The following TMEM87B variants were observed in gnomAD, a reference collection of about 807,000 sequenced individuals.
TMEM87B encodes transmembrane protein 87B.
A neutral mutation model predicts 80.3 loss-of-function variants in TMEM87B; 83 were observed. That is an observed-to-expected ratio of 1.03 (90% CI 0.87 to 1.24). The LOEUF (loss-of-function observed/expected upper bound fraction) is 1.24, where lower values mean the gene tolerates loss of function less well. TMEM87B is among the 50% of genes most tolerant of loss of function. TMEM87B has a pLI of 0.00. For missense variants in TMEM87B, 625 were observed against 674.4 expected (o/e 0.93, Z 0.81); for synonymous variants, 219 against 230.5 (o/e 0.95, Z 0.45).
intron 15 of TMEM87B, among the ~76,000 whole-genome samples, chr2:112,103,386 A>T (rs1307081328): frequency 6.6e-6 from 1 of 152,222 alleles, no homozygotes; most frequent in East Asian, 1.9e-4. Context: ...AAATAGATTC[A>T]GTGCAATCCC....
At chr2:112,077,515 A>G (rs1678861852) in intron 6 of TMEM87B, among the ~76,000 whole-genome samples, 1 of 152,220 alleles carries the variant, frequency 6.6e-6, no homozygotes, top group Non-Finnish European at 1.5e-5. Flanking sequence ...TAAAATTTCA[A>G]ACTTCATAGT....
chr2:112,116,129 G>C lies in TMEM87B; in HGVS notation c.1654G>C (p.Glu552Gln). 2 of 1,612,674 alleles carry C rather than the reference G, an allele frequency of 1.2e-6. No homozygotes were observed. The highest frequency in any genetic ancestry group is 1.7e-6 in the Non-Finnish European group (2 of 1,179,478). The change falls in exon 19 of 19, where the codon GAA becomes CAA. Residue 552 changes from glutamate (E) to glutamine (Q), a missense_variant. Glu to Gln is a conservative substitution (Grantham distance 29). Transcript: ENST00000283206. ...SEMAEKMFSS[E>Q]KIM ...AATGGCTGAAAAAATGTTCTCTTCA[G>C]AAAAGATAATGTGATTGGAACCCGT...
chr2:112,085,231 A>C (rs72829648), intron 8 of TMEM87B, among the ~76,000 whole-genome samples: 13,828 of 152,228 alleles, frequency 0.091, 676 homozygotes, highest in South Asian at 0.19. Flanking sequence ...TCTTTTCTTG[A>C]CATCTACCAT....
chr2:112,096,297 C>T (rs149958678), intron 11 of TMEM87B, among the ~76,000 whole-genome samples: 6 of 152,312 alleles, frequency 3.9e-5, no homozygotes, highest in African/African-American at 1.2e-4. Context: ...ACAGCCCTCC[C>T]GAGAATCTGC....
At chr2:112,106,736 A>T (rs1346399554) in intron 16 of TMEM87B, among the ~76,000 whole-genome samples, 1 of 152,240 alleles carries the variant, frequency 6.6e-6, no homozygotes, top group African/African-American at 2.4e-5. Flanking sequence ...TTATAACTAT[A>T]TGTGCTGTGA....
At chr2:112,068,561 G>A (rs1478115941) in intron 4 of TMEM87B, among the ~76,000 whole-genome samples, 1 of 151,764 alleles carries the variant, frequency 6.6e-6, no homozygotes, top group Non-Finnish European at 1.5e-5. Context: ...AAAATTAGCC[G>A]AGCGTGGTGG....
intron 8 of TMEM87B, among the ~76,000 whole-genome samples, chr2:112,085,044 T>C (rs1341821445): frequency 1.3e-5 from 2 of 152,266 alleles, no homozygotes; most frequent in African/African-American, 4.8e-5. Flanking sequence ...CATAAAACTT[T>C]ATGTTCAAAA....
intron 13 of TMEM87B, among the ~76,000 whole-genome samples, chr2:112,097,807 CA>C (rs987626919): frequency 1.3e-5 from 2 of 149,052 alleles, no homozygotes; most frequent in African/African-American, 4.9e-5. Context: ...GCCCTTTTGT[CA>C]AGTTTTTTTT....
chr2:112,071,657 G>T (rs1206640428), intron 4 of TMEM87B, among the ~76,000 whole-genome samples: 1 of 152,118 alleles, frequency 6.6e-6, no homozygotes, highest in Non-Finnish European at 1.5e-5. Flanking sequence ...TGCTGAAGTT[G>T]CTTATCAGCT....
At chr2:112,111,408 T>C (rs1263181013) in intron 17 of TMEM87B, among the ~76,000 whole-genome samples, 2 of 152,238 alleles carry the variant, frequency 1.3e-5, no homozygotes, top group Admixed American at 1.3e-4. Context: ...CTACTATTTT[T>C]TTCTGTAGAT....
chr2:112,084,620 CTT>C (rs1403905602), intron 8 of TMEM87B, among the ~76,000 whole-genome samples: 1 of 152,082 alleles, frequency 6.6e-6, no homozygotes, highest in Admixed American at 6.6e-5. Flanking sequence ...GACAAGGTCT[CTT>C]GTGAGTTCTT....
chr2:112,059,888 C>T, intron 1 of TMEM87B, 89 bp from the exon 2 acceptor site: 1 of 1,452,684 alleles, frequency 6.9e-7, no homozygotes, highest in Middle Eastern at 1.9e-4. Flanking sequence ...GAGAGGAGTG[C>T]AAGGCTTAGA....
intron 14 of TMEM87B, among the ~76,000 whole-genome samples, chr2:112,099,558 A>ATATATATATATATATATATG (rs1558847662): frequency 2.2e-5 from 1 of 44,900 alleles, no homozygotes; most frequent in African/African-American, 1.4e-4. Context: ...ATATATATAC[A>ATATATATATATATATATATG]CACACACACG....
chr2:112,097,253 T>C lies in TMEM87B; in HGVS notation c.1234T>C (p.Trp412Arg), dbSNP rs756171357. The stretch of plus-strand genomic sequence containing the variant: ...TTCAGCTTCTATAGTGTTTATGGGG[T>C]GGACAACTAAGACATTTAGAATTGC... ...AVLASIVFMG[W>R]TTKTFRIAKC... Residue 412 changes from tryptophan (W) to arginine (R), a missense_variant, in exon 13 of 19, where the codon TGG (tryptophan) becomes CGG (arginine). Coordinates refer to ENST00000283206, the MANE Select transcript of TMEM87B (RefSeq NM_032824.3). 9.3e-6 allele frequency: 15 copies of C among 1,609,436 alleles called. No individual in the cohort carries two copies. The highest frequency in any genetic ancestry group is 1.2e-5 in the Non-Finnish European group (14 of 1,178,874).
At chr2:112,072,942 C>T (rs1472513760) in intron 4 of TMEM87B, among the ~76,000 whole-genome samples, 1 of 146,768 alleles carries the variant, frequency 6.8e-6, no homozygotes, top group Non-Finnish European at 1.5e-5. Flanking sequence ...TTCTGTTGCC[C>T]AGGCTGGAGG....
At chr2:112,072,742 G>A (rs1678689966) in intron 4 of TMEM87B, among the ~76,000 whole-genome samples, 1 of 151,606 alleles carries the variant, frequency 6.6e-6, no homozygotes, top group African/African-American at 2.4e-5. Context: ...TCTTTTGAAT[G>A]GTTTTTCATG....
intron 10 of TMEM87B, among the ~76,000 whole-genome samples, chr2:112,091,188 T>C (rs914428509): frequency 6.6e-6 from 1 of 150,674 alleles, no homozygotes; most frequent in Non-Finnish European, 1.5e-5. Context: ...TGCAGTGAGC[T>C]GAGATTGCGC....
Position 112,055,504 on chromosome 2 carries a change from G to T in TMEM87B, c.-88G>T. 7.3e-7 allele frequency: 1 copy of T among 1,370,462 alleles called. No homozygotes were observed. The highest frequency in any genetic ancestry group is 1.5e-5 in the African/African-American group (1 of 65,546). 84.9% of individuals were successfully genotyped at this position (1,370,462 alleles called of 1,614,324 possible). Reference sequence around the variant, plus strand: ...ACCCGAGTCCGAGCCCCGCGTCCCGGATTCGGACCCGCCTGCCTGGGGCGG... The same window carrying T: ...ACCCGAGTCCGAGCCCCGCGTCCCGTATTCGGACCCGCCTGCCTGGGGCGG... On this transcript the variant is annotated 5_prime_UTR_variant, in exon 1 of 19. Transcript: ENST00000283206.
intron 13 of TMEM87B, 73 bp from the exon 14 acceptor site, chr2:112,098,522 A>T: frequency 7.3e-7 from 1 of 1,363,084 alleles, no homozygotes; most frequent in Non-Finnish European, 1.0e-6. Context: ...TTGTCATTGT[A>T]CATTATTTGA....
Sources: gnomAD v4.1 joint callset for allele counts (sites outside exome capture counted in the v4.1 genomes callset) on GRCh38, gnomAD v4.1.1 for gene constraint, MANE v1.5 for transcripts, NCBI Gene and HGNC (gene_info 2026-07-23, HGNC 2026-07-21) for gene names.